Variants in ELL2 observed in about 807,000 individuals in gnomAD.
The protein encoded by ELL2 is elongation factor for RNA polymerase II 2.
A neutral mutation model predicts 72.8 loss-of-function variants in ELL2; 21 were observed. The observed-to-expected ratio is 0.29, with a 90% CI of 0.20 to 0.42. ELL2 has a LOEUF of 0.42. ELL2 is among the 10% of genes least tolerant of loss of function. ELL2 has a pLI of 1.00. For missense variants in ELL2, 568 were observed against 772.8 expected (o/e 0.73, Z 3.14); for synonymous variants, 266 against 283.2 (o/e 0.94, Z 0.61).
At chr5:95,919,315 A>T in intron 3 of ELL2, 109 bp downstream of exon 3, 1 of 1,342,148 alleles carries the variant, frequency 7.5e-7, no homozygotes, top group Non-Finnish European at 1.0e-6. Context: ...TCTGTAATTC[A>T]ATTTAATACA....
intron 2 of ELL2, among the ~76,000 whole-genome samples, chr5:95,941,768 C>A (rs1316234051): frequency 3.3e-5 from 5 of 152,168 alleles, no homozygotes; most frequent in Admixed American, 2.6e-4. Flanking sequence ...GACCCTGGCA[C>A]ATCTCTTCAG....
chr5:95,943,581 G>A (rs889646302), intron 1 of ELL2, among the ~76,000 whole-genome samples: 1 of 152,114 alleles, frequency 6.6e-6, no homozygotes, highest in Non-Finnish European at 1.5e-5. Flanking sequence ...TGGGAGGAGG[G>A]AAGAGATAAT....
chr5:95,917,939 A>C (rs1749886066), intron 3 of ELL2, among the ~76,000 whole-genome samples: 1 of 152,222 alleles, frequency 6.6e-6, no homozygotes, highest in South Asian at 2.1e-4. Flanking sequence ...CAATCTAGAG[A>C]CAAGCACCAC....
intron 3 of ELL2, among the ~76,000 whole-genome samples, chr5:95,916,752 A>T (rs1006162705): frequency 6.6e-6 from 1 of 151,854 alleles, no homozygotes; most frequent in Non-Finnish European, 1.5e-5. Flanking sequence ...CCAAAGGAAA[A>T]AAAAAAAACC....
At chr5:95,937,524 T>C (rs1341488156) in intron 2 of ELL2, among the ~76,000 whole-genome samples, 1 of 151,160 alleles carries the variant, frequency 6.6e-6, no homozygotes, top group African/African-American at 2.4e-5. Flanking sequence ...AAAGTGTGTG[T>C]GTACGTGTTG....
intron 9 of ELL2, 126 bp from the exon 10 acceptor site, chr5:95,891,400 C>T: frequency 1.0e-6 from 1 of 990,936 alleles, no homozygotes; most frequent in Non-Finnish European, 1.4e-6. Flanking sequence ...TGCCACTCTG[C>T]CACTGGTTGG....
At chr5:95,898,212 A>G (rs773993208) in intron 8 of ELL2, 28 bp downstream of exon 8, 2 of 1,534,252 alleles carry the variant, frequency 1.3e-6, no homozygotes, top group South Asian at 1.3e-5. Context: ...GATAGCATGC[A>G]CTTCTGGTTC....
rs1750373244 is a variant in ELL2, at chr5:95,927,486, TGTGTATATAGACATACACACAC to T, written c.196-7963_196-7942del. On this transcript the variant is annotated intron_variant, in intron 2 of 11. Transcript: ENST00000237853. The stretch of plus-strand genomic sequence containing the variant: ...GTGTGTATATAGACATACACACACG[TGTGTATATAGACATACACACAC>T]GTGTGTATATAGACATACACACACG... Among the ~76,000 whole-genome samples the T allele has an allele frequency of 2.3e-4, 6 of 26,360 alleles. 2 individuals carry two copies. The highest frequency in any genetic ancestry group is 7.7e-4 in the African/African-American group (2 of 2,604). The allele number at this position is 26,360 out of a possible 152,430, so 17.3% of individuals were successfully genotyped here.
intron 5 of ELL2, among the ~76,000 whole-genome samples, chr5:95,902,263 C>T (rs1218866000): frequency 1.3e-5 from 2 of 152,194 alleles, no homozygotes; most frequent in African/African-American, 4.8e-5. Flanking sequence ...ACCACGCTTG[C>T]TCCTTATATC....
chr5:95,923,542 C>T (rs138563928), intron 2 of ELL2, among the ~76,000 whole-genome samples: 2 of 152,196 alleles, frequency 1.3e-5, no homozygotes, highest in Admixed American at 1.3e-4. Context: ...AGTTTCTTTG[C>T]AGCTATGGAG....
rs372894494 is a variant in ELL2 at position 95,938,144 on chromosome 5, G to T, written c.195+4858C>A. Among the ~76,000 whole-genome samples, 5 of 152,062 alleles carry T rather than the reference G, an allele frequency of 3.3e-5. No individual in the cohort carries two copies. The East Asian group carries it at 9.7e-4, about 29-fold the overall frequency. ...TCTCTGAAGGCTTTGCTAAGTTTGGGGATAAAAAAACGAGAAGAAAAATCC... is the reference window on the plus strand; with the variant it reads ...TCTCTGAAGGCTTTGCTAAGTTTGGTGATAAAAAAACGAGAAGAAAAATCC... On this transcript the variant is annotated intron_variant, in intron 2 of 11. Coordinates refer to ENST00000237853, the MANE Select transcript of ELL2 (RefSeq NM_012081.6).
At chr5:95,894,059 T>A (rs1490479737) in intron 9 of ELL2, among the ~76,000 whole-genome samples, 2 of 152,148 alleles carry the variant, frequency 1.3e-5, no homozygotes, top group Non-Finnish European at 2.9e-5. Flanking sequence ...GAGACTAGCC[T>A]GGCCAATATG....
At chr5:95,950,128 A>G (rs565766739) in intron 1 of ELL2, among the ~76,000 whole-genome samples, 1 of 152,238 alleles carries the variant, frequency 6.6e-6, no homozygotes, top group East Asian at 1.9e-4. Context: ...ACTATGGCAG[A>G]AGGAAAATAC....
rs1580515451 is a variant in ELL2, at chr5:95,927,766, C to CACACACACATATGTGTGTATATAGACAT, written c.196-8249_196-8222dup. ...ACACATATGTGTGTATATAGACATA[C>CACACACACATATGTGTGTATATAGACAT]ACACACACATATGTGTGTATATAGA... is the stretch of plus-strand genomic sequence containing the variant. On this transcript the variant is annotated intron_variant, in intron 2 of 11. Transcript: ENST00000237853. Among the ~76,000 whole-genome samples, 32 of 51,960 alleles carry CACACACACATATGTGTGTATATAGACAT rather than the reference C, an allele frequency of 6.2e-4. 4 individuals are homozygous for CACACACACATATGTGTGTATATAGACAT. The highest frequency in any genetic ancestry group is 7.8e-4 in the Non-Finnish European group (25 of 32,078). The allele number at this position is 51,960 out of a possible 152,430, so 34.1% of individuals were successfully genotyped here.
Position 95,927,460 on chromosome 5 carries a change from CGT to C in ELL2, c.196-7917_196-7916del, listed in dbSNP as rs1347168154. Among the ~76,000 whole-genome samples the C allele has an allele frequency of 7.2e-4, 24 of 33,432 alleles. 4 individuals are homozygous for C. The highest frequency in any genetic ancestry group is 9.1e-4 in the Non-Finnish European group (19 of 20,844). 21.9% of individuals were successfully genotyped at this position (33,432 alleles called of 152,430 possible). On this transcript the variant is annotated intron_variant, in intron 2 of 11. Coordinates refer to ENST00000237853, the MANE Select transcript of ELL2 (RefSeq NM_012081.6). ...GTGTGTATATAGACATACACACACA[CGT>C]GTGTATATAGACATACACACACGTG...
intron 1 of ELL2, among the ~76,000 whole-genome samples, chr5:95,943,825 TG>T (rs1751059647): frequency 6.6e-6 from 1 of 152,206 alleles, no homozygotes; most frequent in Non-Finnish European, 1.5e-5. Flanking sequence ...CATAGAGTTG[TG>T]CATTTAGAAG....
chr5:95,911,949 G>A (rs1424620379), intron 4 of ELL2, among the ~76,000 whole-genome samples: 1 of 152,198 alleles, frequency 6.6e-6, no homozygotes, highest in African/African-American at 2.4e-5. Context: ...TCTGCAGGGA[G>A]GAAGAGGGTG....
intron 2 of ELL2, among the ~76,000 whole-genome samples, chr5:95,935,748 A>G (rs187158574): frequency 7.1e-4 from 108 of 152,292 alleles, no homozygotes; most frequent in African/African-American, 2.5e-3. Context: ...CTTTTCGTCT[A>G]TTTCAGATTT....
chr5:95,905,941 A>G (rs938845425), intron 5 of ELL2, among the ~76,000 whole-genome samples: 1 of 152,208 alleles, frequency 6.6e-6, no homozygotes, highest in African/African-American at 2.4e-5. Context: ...ACTTTAAAAA[A>G]CAATGGCCTA....
Sources: gnomAD v4.1 joint callset for allele counts (sites outside exome capture counted in the v4.1 genomes callset) on GRCh38, gnomAD v4.1.1 for gene constraint, MANE v1.5 for transcripts, NCBI Gene and HGNC (gene_info 2026-07-23, HGNC 2026-07-21) for gene names.